Variants in PROX1 observed in about 807,000 individuals in gnomAD.
The protein encoded by PROX1 is prospero homeobox 1, also known as prospero homeobox protein 1.
PROX1 carries 7 observed loss-of-function variants against 58.8 expected under a neutral mutation model. The observed-to-expected ratio is 0.12, with a 90% confidence interval of 0.07 to 0.22. PROX1 has a LOEUF of 0.22. Ranked by LOEUF, PROX1 falls within the 10% of genes least tolerant of loss-of-function variation. PROX1 has a pLI of 1.00. For missense variants in PROX1, 675 were observed against 927.8 expected, an observed-to-expected ratio of 0.73 and a Z score of 3.54; for synonymous variants, 350 against 358.3, an observed-to-expected ratio of 0.98 and a Z score of 0.26.
chr1:214,035,024 T>C (rs1290873457), intron 4 of PROX1, among the ~76,000 whole-genome samples: 1 of 152,202 alleles, frequency 6.6e-6, no homozygotes, highest in Non-Finnish European at 1.5e-5. Context: ...TAGTTTCTGA[T>C]GTAATATTTT....
At chr1:214,016,672 G>A (rs936133400) in intron 4 of PROX1, among the ~76,000 whole-genome samples, 5 of 152,180 alleles carry the variant, frequency 3.3e-5, no homozygotes, top group East Asian at 1.9e-4. Flanking sequence ...GCCTGGAAAC[G>A]TATTCCTTCC....
intron 4 of PROX1, among the ~76,000 whole-genome samples, chr1:214,025,942 G>A (rs929995220): frequency 4.6e-5 from 7 of 152,104 alleles, no homozygotes; most frequent in African/African-American, 1.4e-4. Context: ...GATTACAGGC[G>A]TGAGCCACCG....
chr1:213,983,960 A>T (rs550334309), upstream of PROX1: 3 of 152,402 alleles, frequency 2.0e-5, no homozygotes, highest in Admixed American at 6.5e-5. Flanking sequence ...GGCTCTGGGC[A>T]GCCGGGCGGA....
chr1:214,000,044 A>G (rs746963913), intron 2 of PROX1, among the ~76,000 whole-genome samples: 1 of 66,856 alleles, frequency 1.5e-5, no homozygotes, highest in Non-Finnish European at 2.8e-5. Flanking sequence ...TCTCTCTCTT[A>G]CACACACACA....
chr1:214,011,438 C>A, intron 3 of PROX1, 83 bp from the exon 4 acceptor site: 1 of 1,300,810 alleles, frequency 7.7e-7, no homozygotes, highest in Non-Finnish European at 1.1e-6. Flanking sequence ...GGGACGGGAA[C>A]ATTAAAAATG....
rs1043072863 is a variant in PROX1 at position 214,039,239 on chromosome 1, C to G, written c.*3405C>G. On this transcript the variant is annotated 3_prime_UTR_variant, in exon 5 of 5. Coordinates refer to ENST00000366958, the MANE Select transcript of PROX1 (RefSeq NM_001270616.2). ...ACAAAACATTTAATTCTTACTGTAT[C>G]TCTGGCTGTTTAATGAGGACGTTTC... 2.6e-5 allele frequency: 4 copies of G among 152,144 alleles called. No homozygotes were observed. Among genetic ancestry groups the G allele is most frequent in the Admixed American group, 2.6e-4 (4 of 15,284 alleles). 9.4% of individuals were successfully genotyped at this position (152,144 alleles called of 1,614,324 possible).
intron 3 of PROX1, among the ~76,000 whole-genome samples, chr1:214,008,730 G>T (rs1302570141): frequency 6.6e-6 from 1 of 152,178 alleles, no homozygotes; most frequent in Non-Finnish European, 1.5e-5. Flanking sequence ...TTGGCATGGC[G>T]AGAGTTCTTC....
chr1:214,029,634 T>G (rs1195593220), intron 4 of PROX1: 1 of 152,204 alleles, frequency 6.6e-6, no homozygotes, highest in African/African-American at 2.4e-5. Flanking sequence ...ATTAGATATA[T>G]TTAACTCTAC....
intron 2 of PROX1, among the ~76,000 whole-genome samples, chr1:213,999,060 G>A (rs1202712374): frequency 6.6e-6 from 1 of 152,172 alleles, no homozygotes; most frequent in African/African-American, 2.4e-5. Flanking sequence ...GAAAGCGAGA[G>A]AGCACAATTA....
intron 4 of PROX1, among the ~76,000 whole-genome samples, chr1:214,016,793 G>A (rs2102743581): frequency 6.6e-6 from 1 of 152,298 alleles, no homozygotes; most frequent in African/African-American, 2.4e-5. Context: ...CGTGCATGAG[G>A]CTTCACTTTT....
intron 1 of PROX1, chr1:213,988,744 A>C (rs1662904615): frequency 1.3e-5 from 2 of 151,932 alleles, no homozygotes; most frequent in Non-Finnish European, 2.9e-5. Flanking sequence ...CTTGGCTTTT[A>C]TTTCTTTCTC....
intron 1 of PROX1, among the ~76,000 whole-genome samples, chr1:213,994,505 C>T (rs1202534763): frequency 4.6e-5 from 7 of 151,880 alleles, no homozygotes; most frequent in Non-Finnish European, 1.0e-4. Flanking sequence ...GTCTCAGCCT[C>T]TCCTTGTTCT....
chr1:214,005,337 G>T, intron 3 of PROX1, 65 bp downstream of exon 3: 1 of 1,205,046 alleles, frequency 8.3e-7, no homozygotes. Flanking sequence ...TTGAACTCCC[G>T]GAAGTTAATG....
intron 2 of PROX1, among the ~76,000 whole-genome samples, chr1:213,999,506 G>T (rs188905560): frequency 6.6e-6 from 1 of 152,298 alleles, no homozygotes; most frequent in Admixed American, 6.5e-5. Context: ...TTCCTGGTTA[G>T]TGGAGGTCGT....
intron 4 of PROX1, among the ~76,000 whole-genome samples, chr1:214,019,267 G>A (rs1664199786): frequency 6.6e-6 from 1 of 151,836 alleles, no homozygotes; most frequent in South Asian, 2.1e-4. Flanking sequence ...CCCAAAATAT[G>A]TTGTGCATTT....
Position 214,038,901 on chromosome 1 carries a change from T to G in PROX1, c.*3067T>G, listed in dbSNP as rs1287256924. ...TAGAACAGTTTGATACCGCAAATTA[T>G]TTTTTCCTCAATTGTTTGAGCAGCA... On this transcript the variant is annotated 3_prime_UTR_variant, in exon 5 of 5. Transcript: ENST00000366958. The G allele has an allele frequency of 6.6e-6, 1 of 152,220 alleles. No individual in the cohort carries two copies. The highest frequency in any genetic ancestry group is 6.5e-5 in the Admixed American group (1 of 15,280). 9.4% of individuals were successfully genotyped at this position (152,220 alleles called of 1,614,324 possible).
At chr1:213,987,252 C>A (rs1407014671), upstream of PROX1, among the ~76,000 whole-genome samples, 1 of 152,118 alleles carries the variant, frequency 6.6e-6, no homozygotes, top group Middle Eastern at 3.2e-3. Flanking sequence ...ACAGATGCAG[C>A]GGACCCGATG....
At chr1:214,014,386 T>C (rs1009777455) in intron 4 of PROX1, among the ~76,000 whole-genome samples, 11 of 152,212 alleles carry the variant, frequency 7.2e-5, no homozygotes, top group African/African-American at 2.7e-4. Flanking sequence ...TAGAGGGACT[T>C]TGAAGCTACG....
chr1:213,997,034 G>A lies in PROX1; in HGVS notation c.499G>A (p.Ala167Thr). 3 of 1,614,034 alleles carry A rather than the reference G, an allele frequency of 1.9e-6. No individual in the cohort carries two copies. The highest frequency in any genetic ancestry group is 2.5e-6 in the Non-Finnish European group (3 of 1,180,010). The change falls in exon 2 of 5, where the codon GCC (alanine) becomes ACC (threonine). Residue 167 changes from alanine to threonine, a missense_variant. Coordinates refer to ENST00000366958, the MANE Select transcript of PROX1 (RefSeq NM_001270616.2). The surrounding 1 kb of genome is among the most constrained non-coding windows in gnomAD (Gnocchi z 7.1). ...TGATGAGCACCTGAGAGCAAAGCGC[G>A]CCCGGGTTGAGAATATAATTCGGGG... ...LCDEHLRAKRARVENIIRGMS... is the reference protein window; with the variant it reads ...LCDEHLRAKRTRVENIIRGMS...
Sources: allele counts gnomAD v4.1 joint callset (sites outside exome capture counted in the v4.1 genomes callset), GRCh38; gene constraint gnomAD v4.1.1; non-coding constraint Gnocchi (gnomAD v3.1); transcripts MANE v1.5; gene names NCBI Gene and HGNC (gene_info 2026-07-23, HGNC 2026-07-21).